The following AGTPBP1 variants were observed in gnomAD, a reference collection of about 807,000 sequenced individuals.
AGTPBP1 encodes the protein cytosolic carboxypeptidase 1.
AGTPBP1 carries 70 observed loss-of-function variants against 143.9 expected under a neutral mutation model. That is an observed-to-expected ratio of 0.49 (90% CI 0.40 to 0.59). AGTPBP1 has a LOEUF of 0.59. Ranked by LOEUF, AGTPBP1 falls within the 20% of genes least tolerant of loss-of-function variation. The probability of loss-of-function intolerance (pLI) is 0.00; values close to 1 mark genes in which losing one functional copy is unlikely to be tolerated. For missense variants in AGTPBP1, 1,229 were observed against 1,464.5 expected (o/e 0.84, Z 2.62); for synonymous variants, 463 against 500.2 (o/e 0.93, Z 0.99).
intron 17 of AGTPBP1, among the ~76,000 whole-genome samples, chr9:85,601,410 G>A (rs1377478531): frequency 1.3e-5 from 2 of 152,182 alleles, no homozygotes; most frequent in Admixed American, 6.5e-5. Flanking sequence ...GCATACCTGG[G>A]AGCCTAGGGA....
the AGTPBP1 span, among the ~76,000 whole-genome samples, chr9:85,778,990 GT>G: frequency 6.6e-6 from 1 of 151,976 alleles, no homozygotes; most frequent in African/African-American, 2.4e-5. Flanking sequence ...GACTATCAGT[GT>G]TCTCCATACT....
chr9:85,788,680 A>G, the AGTPBP1 span, among the ~76,000 whole-genome samples: 11 of 149,618 alleles, frequency 7.4e-5, no homozygotes, highest in Non-Finnish European at 1.5e-4. Flanking sequence ...ATATACTTGT[A>G]TATAGATATA....
the AGTPBP1 span, among the ~76,000 whole-genome samples, chr9:85,775,646 G>T: frequency 3.3e-5 from 5 of 150,856 alleles, no homozygotes; most frequent in Middle Eastern, 3.5e-3. Context: ...TGATCACAAG[G>T]TCCCACAATA....
At chr9:85,729,983 T>C (rs1238634041) in intron 1 of AGTPBP1, among the ~76,000 whole-genome samples, 5 of 152,352 alleles carry the variant, frequency 3.3e-5, no homozygotes, top group Admixed American at 1.3e-4. Flanking sequence ...AACATGGTTC[T>C]ACAGCTAGTA....
chr9:85,642,970 CAGG>C (rs1415101487), intron 12 of AGTPBP1, 27 bp from the exon 13 acceptor site: 1 of 1,519,444 alleles, frequency 6.6e-7, no homozygotes, highest in Admixed American at 1.9e-5. Flanking sequence ...AGTATGTTAT[CAGG>C]TAAAACAAAA....
intron 1 of AGTPBP1, among the ~76,000 whole-genome samples, chr9:85,726,961 T>C (rs1838533799): frequency 1.3e-5 from 2 of 152,024 alleles, no homozygotes; most frequent in East Asian, 3.9e-4. Context: ...TTATATGAGA[T>C]ACAGAAAGAG....
At chr9:85,673,539 G>A (rs1564130116) in intron 6 of AGTPBP1, among the ~76,000 whole-genome samples, 1 of 152,048 alleles carries the variant, frequency 6.6e-6, no homozygotes, top group East Asian at 1.9e-4. Flanking sequence ...CACAGGAAGG[G>A]AAGAAAAGAT....
the AGTPBP1 span, among the ~76,000 whole-genome samples, chr9:85,759,187 C>A: frequency 1.3e-5 from 2 of 152,130 alleles, no homozygotes; most frequent in African/African-American, 4.8e-5. Flanking sequence ...CTTTAACACC[C>A]CACTGTCAAT....
the AGTPBP1 span, among the ~76,000 whole-genome samples, chr9:85,799,940 A>G: frequency 6.6e-6 from 1 of 152,216 alleles, no homozygotes; most frequent in African/African-American, 2.4e-5. Context: ...ACTCTTCACC[A>G]TGGGATCCCC....
intron 25 of AGTPBP1, among the ~76,000 whole-genome samples, chr9:85,548,257 GCAA>G (rs1825837274): frequency 6.6e-6 from 1 of 152,226 alleles, no homozygotes; most frequent in Non-Finnish European, 1.5e-5. Context: ...GAGAATTCCT[GCAA>G]CTGAGTATGA....
intron 3 of AGTPBP1, among the ~76,000 whole-genome samples, chr9:85,690,459 T>C (rs1835789231): frequency 6.6e-6 from 1 of 151,724 alleles, no homozygotes; most frequent in Non-Finnish European, 1.5e-5. Context: ...GATAGTGGTA[T>C]GGTCAGGAGT....
At chr9:85,731,865 T>C (rs911833704) in intron 1 of AGTPBP1, among the ~76,000 whole-genome samples, 3 of 152,240 alleles carry the variant, frequency 2.0e-5, no homozygotes, top group Non-Finnish European at 4.4e-5. Flanking sequence ...AAAAAGCTTA[T>C]GTATCTTTCC....
chr9:85,658,574 T>C (rs1382886448), intron 9 of AGTPBP1, among the ~76,000 whole-genome samples: 1 of 152,082 alleles, frequency 6.6e-6, no homozygotes, highest in Admixed American at 6.5e-5. Flanking sequence ...AAGGAAATAC[T>C]AATCTCTTCT....
chr9:85,592,457 CAATT>C (rs947886550), intron 19 of AGTPBP1, 99 bp downstream of exon 19: 2 of 768,460 alleles, frequency 2.6e-6, no homozygotes, highest in African/African-American at 1.9e-5. Flanking sequence ...TAACTAAACT[CAATT>C]ATTATCATTA....
At chr9:85,765,147 T>A in the AGTPBP1 span, 1 of 370,884 alleles carries the variant, frequency 2.7e-6, no homozygotes, top group East Asian at 5.4e-5. Flanking sequence ...GGCCTCTTCC[T>A]GGCACTGCCA....
At chr9:85,660,474 G>A (rs1009519129) in intron 9 of AGTPBP1, among the ~76,000 whole-genome samples, 9 of 152,008 alleles carry the variant, frequency 5.9e-5, no homozygotes, top group African/African-American at 2.2e-4. Context: ...GACTGTAAAT[G>A]TATATTGTCA....
intron 23 of AGTPBP1, among the ~76,000 whole-genome samples, chr9:85,583,899 A>G (rs1357018193): frequency 2.6e-5 from 4 of 152,072 alleles, no homozygotes; most frequent in Admixed American, 6.5e-5. Flanking sequence ...CCTCACAATT[A>G]TAATTCTTAA....
At chr9:85,663,368 A>T (rs1193302964) in intron 8 of AGTPBP1, among the ~76,000 whole-genome samples, 1 of 152,110 alleles carries the variant, frequency 6.6e-6, no homozygotes, top group Non-Finnish European at 1.5e-5. Flanking sequence ...GAGTGCTCGG[A>T]AGGATTCTGC....
intron 14 of AGTPBP1, among the ~76,000 whole-genome samples, chr9:85,624,177 T>C (rs546967472): frequency 6.6e-6 from 1 of 152,318 alleles, no homozygotes; most frequent in Admixed American, 6.5e-5. Context: ...ACATTAACAG[T>C]ATGCTCTGAG....
Sources: allele counts gnomAD v4.1 joint callset (sites outside exome capture counted in the v4.1 genomes callset), GRCh38; gene constraint gnomAD v4.1.1; transcripts MANE v1.5; gene names NCBI Gene and HGNC (gene_info 2026-07-23, HGNC 2026-07-21).